SH3BGR: variants seen among roughly 807,000 people sequenced by gnomAD.
SH3BGR encodes the protein SH3 domain binding glutamate rich protein.
In SH3BGR, 29 loss-of-function variants were observed where a neutral mutation model predicts 24.5. The ratio of observed to expected loss-of-function variants is 1.18; its 90% CI spans 0.88 to 1.61. The LOEUF is 1.61. SH3BGR is among the 40% of genes most tolerant of loss of function. The probability of loss-of-function intolerance (pLI) is 0.00; values close to 1 mark genes in which losing one functional copy is unlikely to be tolerated. For missense variants in SH3BGR, 162 were observed against 205.8 expected (o/e 0.79, Z 1.30); for synonymous variants, 55 against 65.7 (o/e 0.84, Z 0.79).
At chr21:39,497,483 A>G (rs548156889) in intron 3 of SH3BGR, among the ~76,000 whole-genome samples, 1 of 151,964 alleles carries the variant, frequency 6.6e-6, no homozygotes, top group South Asian at 2.1e-4. Flanking sequence ...AAAACTAAAA[A>G]AAATACAACA....
Position 39,509,471 on chromosome 21 carries a change from G to GTT in SH3BGR, c.435+464_435+465dup, listed in dbSNP as rs560071613. Among the ~76,000 whole-genome samples, 581 of 103,882 alleles carry GTT rather than the reference G, an allele frequency of 5.6e-3. 8 individuals carry two copies. Among genetic ancestry groups the GTT allele is most frequent in the African/African-American group, 0.016 (435 of 27,326 alleles). 68.2% of individuals were successfully genotyped at this position (103,882 alleles called of 152,430 possible). ...CATCTTTGAATTAATCACTTTTATT[G>GTT]TTTTTTTTTTTTTTTTTTTTTGAGA... On this transcript the variant is annotated intron_variant, in intron 5 of 6. Transcript: ENST00000333634.
rs1366879814 is a variant in SH3BGR, at chr21:39,494,241, T to A, written c.313-5582T>A. 5.9e-4 allele frequency among the ~76,000 whole-genome samples: 89 copies of A among 149,682 alleles called. 1 individual carries two copies. Among genetic ancestry groups the A allele is most frequent in the African/African-American group, 2.0e-3 (82 of 40,208 alleles). On this transcript the variant is annotated intron_variant, in intron 3 of 6. Transcript: ENST00000333634. ...TGAACAGTCTTCTTCCTCTTCTTCTTCTTCTTCTTCTTTTTTTTTTTAAGT... is the reference window on the plus strand; with the variant it reads ...TGAACAGTCTTCTTCCTCTTCTTCTACTTCTTCTTCTTTTTTTTTTTAAGT...
At position 39,495,736 on chromosome 21, in the gene SH3BGR, G is replaced by A. The variant is rs576309738; in HGVS notation, c.313-4087G>A. On this transcript the variant is annotated intron_variant, in intron 3 of 6. Transcript: ENST00000333634. ...GGCCTCAAGTGATCCTCCCATCTAG[G>A]CCTCCAGAGTGTTGGGATTACAGAT... is the stretch of plus-strand genomic sequence containing the variant. 9.2e-5 allele frequency among the ~76,000 whole-genome samples: 14 copies of A among 152,174 alleles called. No individual in the cohort carries two copies. The East Asian group carries it at 2.7e-3, about 29-fold the overall frequency.
chr21:39,479,247 G>GTGGTGGTGGTGA (rs1361113799), intron 3 of SH3BGR, among the ~76,000 whole-genome samples: 1 of 149,588 alleles, frequency 6.7e-6, no homozygotes, highest in African/African-American at 2.5e-5. Flanking sequence ...GGTGGTGGTG[G>GTGGTGGTGGTGA]TGGTGGTGGT....
At chr21:39,496,506 C>CAAAAA (rs56909090) in intron 3 of SH3BGR, among the ~76,000 whole-genome samples, 2 of 103,026 alleles carry the variant, frequency 1.9e-5, no homozygotes, top group Middle Eastern at 5.6e-3. Flanking sequence ...GACTCCGTCT[C>CAAAAA]AAAAAAAAAA....
chr21:39,448,685 C>G (rs1025941561), upstream of SH3BGR, among the ~76,000 whole-genome samples: 7 of 152,014 alleles, frequency 4.6e-5, no homozygotes, highest in Non-Finnish European at 1.0e-4. Flanking sequence ...AAAAAACAAA[C>G]AACAAAACAA....
At chr21:39,451,821 G>C, upstream of SH3BGR, 1 of 1,423,192 alleles carries the variant, frequency 7.0e-7, no homozygotes, top group Non-Finnish European at 9.7e-7. Context: ...ATAGGGAAAG[G>C]GTCCAGTGGC....
intron 1 of SH3BGR, among the ~76,000 whole-genome samples, chr21:39,446,548 C>G (rs1189985026): frequency 6.6e-6 from 1 of 152,124 alleles, no homozygotes; most frequent in African/African-American, 2.4e-5. Flanking sequence ...ATACTTGGCC[C>G]GCATTGGAAA....
chr21:39,491,245 G>A (rs2078294085), intron 3 of SH3BGR, among the ~76,000 whole-genome samples: 1 of 151,828 alleles, frequency 6.6e-6, no homozygotes, highest in East Asian at 1.9e-4. Context: ...CGCCTCCCAA[G>A]TACAAGCGAT....
intron 6 of SH3BGR, among the ~76,000 whole-genome samples, chr21:39,514,138 C>T (rs2078744404): frequency 6.6e-6 from 1 of 152,168 alleles, no homozygotes; most frequent in Non-Finnish European, 1.5e-5. Context: ...CAGCCACTGA[C>T]TCCCGAAGAG....
chr21:39,446,829 C>T (rs1413001760), intron 1 of SH3BGR, among the ~76,000 whole-genome samples: 1 of 152,042 alleles, frequency 6.6e-6, no homozygotes, highest in Non-Finnish European at 1.5e-5. Context: ...TGTCAGTTAC[C>T]TTTAATTTTG....
chr21:39,458,942 C>T (rs972825051), intron 1 of SH3BGR, among the ~76,000 whole-genome samples: 2 of 152,096 alleles, frequency 1.3e-5, no homozygotes, highest in Non-Finnish European at 2.9e-5. Context: ...CCACCGTACC[C>T]GGCCAAGTTT....
intron 6 of SH3BGR, among the ~76,000 whole-genome samples, chr21:39,512,900 GTAT>G (rs2078721814): frequency 1.3e-5 from 2 of 152,166 alleles, no homozygotes. Context: ...GGTACATGTT[GTAT>G]TATTATTAAT....
chr21:39,509,171 G>T (rs1397702710), intron 5 of SH3BGR, 144 bp downstream of exon 5: 5 of 608,002 alleles, frequency 8.2e-6, no homozygotes, highest in Non-Finnish European at 8.6e-6. Context: ...CCTTTAACAT[G>T]CTGAGAAGGA....
At position 39,452,122 on chromosome 21, in the gene SH3BGR, C is replaced by T. The variant is rs779403498; in HGVS notation, c.26C>T (p.Thr9Ile). MVIKVFVA[T>I]SSGSIAIRKK... Reference sequence around the variant, plus strand: ...ATGGTTATCAAAGTGTTTGTTGCTACATCTTCTGGGTCCATAGCGGTAGGT... The same window carrying T: ...ATGGTTATCAAAGTGTTTGTTGCTATATCTTCTGGGTCCATAGCGGTAGGT... The change falls in exon 1 of 7, where the codon ACA becomes ATA. Residue 9 changes from threonine to isoleucine, a missense_variant. Physicochemically the swap from Thr to Ile is moderately conservative, Grantham distance 89 (BLOSUM62 -1). Coordinates refer to ENST00000333634, the MANE Select transcript of SH3BGR (RefSeq NM_007341.3). The T allele has an allele frequency of 1.2e-6, 2 of 1,614,136 alleles. No individual in the cohort carries two copies. The highest frequency in any genetic ancestry group is 1.1e-5 in the South Asian group (1 of 91,074).
intron 1 of SH3BGR, among the ~76,000 whole-genome samples, chr21:39,457,686 C>A (rs1174097959): frequency 2.0e-5 from 3 of 151,804 alleles, no homozygotes; most frequent in Non-Finnish European, 4.4e-5. Context: ...AATCCCAGCA[C>A]TTTAGGAGGC....
intron 1 of SH3BGR, among the ~76,000 whole-genome samples, chr21:39,446,795 T>C (rs1437088914): frequency 6.6e-6 from 1 of 152,228 alleles, no homozygotes; most frequent in Non-Finnish European, 1.5e-5. Flanking sequence ...GCTTGTGATA[T>C]ACGTTGCAAA....
intron 2 of SH3BGR, among the ~76,000 whole-genome samples, chr21:39,473,862 G>A (rs1408126942): frequency 7.1e-6 from 1 of 140,722 alleles, no homozygotes; most frequent in East Asian, 2.1e-4. Flanking sequence ...TCCAGCCTGG[G>A]AGACACAGTG....
At chr21:39,470,060 T>C (rs1353058942) in intron 2 of SH3BGR, among the ~76,000 whole-genome samples, 1 of 152,164 alleles carries the variant, frequency 6.6e-6, no homozygotes, top group Non-Finnish European at 1.5e-5. Flanking sequence ...TCTTCTACTT[T>C]ATTATATGCT....
Sources: gnomAD v4.1 joint callset for allele counts (sites outside exome capture counted in the v4.1 genomes callset) on GRCh38, gnomAD v4.1.1 for gene constraint, MANE v1.5 for transcripts, NCBI Gene and HGNC (gene_info 2026-07-23, HGNC 2026-07-21) for gene names.